Variants in ANO3 observed in about 807,000 individuals in gnomAD.
The protein encoded by ANO3 is anoctamin 3, also known as anoctamin-3.
Under a neutral mutation model 144.8 loss-of-function variants are expected in ANO3, and 99 were observed. The ratio of observed to expected loss-of-function variants is 0.68; its 90% CI spans 0.58 to 0.81. The LOEUF is 0.81. Ranked by LOEUF, ANO3 falls within the 30% of genes least tolerant of loss-of-function variation. ANO3 has a pLI of 0.00. For missense variants in ANO3, 905 were observed against 1,202.2 expected (o/e 0.75, Z 3.66); for synonymous variants, 414 against 392.6 (o/e 1.05, Z -0.64).
intron 1 of ANO3, among the ~76,000 whole-genome samples, chr11:26,366,878 G>A (rs897481331): frequency 6.6e-6 from 1 of 151,810 alleles, no homozygotes; most frequent in Non-Finnish European, 1.5e-5. Flanking sequence ...CTGGATATTA[G>A]CCCTTTGTCA....
chr11:26,194,450 G>GTGTGTA (rs769533207), intron 1 of ANO3, among the ~76,000 whole-genome samples: 10,289 of 144,376 alleles, frequency 0.071, 616 homozygotes, highest in Non-Finnish European at 0.077. Context: ...GTGTGTGTGT[G>GTGTGTA]TGTGTGTGTG....
At chr11:26,265,159 TG>T (rs1853280954) in intron 1 of ANO3, among the ~76,000 whole-genome samples, 1 of 152,228 alleles carries the variant, frequency 6.6e-6, no homozygotes, top group Admixed American at 6.5e-5. Context: ...TATTTTTTCA[TG>T]GCTAATCCCT....
intron 1 of ANO3, among the ~76,000 whole-genome samples, chr11:26,406,187 A>G (rs1376908252): frequency 6.6e-6 from 1 of 151,858 alleles, no homozygotes; most frequent in Admixed American, 6.6e-5. Flanking sequence ...AGTTTCTGTC[A>G]TATTGTATGT....
At chr11:26,510,739 A>C (rs294018) in intron 5 of ANO3, among the ~76,000 whole-genome samples, 102,573 of 152,046 alleles carry the variant, frequency 0.67, 34,835 homozygotes, top group East Asian at 0.83. Flanking sequence ...TATTCATAAC[A>C]GGTATTGCTC....
intron 14 of ANO3, among the ~76,000 whole-genome samples, chr11:26,561,635 T>C (rs1353518876): frequency 6.6e-6 from 1 of 151,988 alleles, no homozygotes; most frequent in Non-Finnish European, 1.5e-5. Context: ...AAATTAATGT[T>C]ATTATTTTAC....
intron 14 of ANO3, among the ~76,000 whole-genome samples, chr11:26,585,646 AT>A (rs1437357639): frequency 6.6e-6 from 1 of 152,024 alleles, no homozygotes; most frequent in Non-Finnish European, 1.5e-5. Context: ...GTGTTCTCAG[AT>A]TTTCATTCCC....
intron 1 of ANO3, among the ~76,000 whole-genome samples, chr11:26,354,860 C>A (rs927987086): frequency 6.6e-6 from 1 of 151,764 alleles, no homozygotes; most frequent in African/African-American, 2.4e-5. Context: ...AGATTGATTT[C>A]TCCTCAGGTA....
At chr11:26,630,193 CA>C (rs1260009125) in intron 18 of ANO3, among the ~76,000 whole-genome samples, 1 of 152,118 alleles carries the variant, frequency 6.6e-6, no homozygotes, top group Non-Finnish European at 1.5e-5. Flanking sequence ...GAATGGCCCA[CA>C]AATAAATGTG....
chr11:26,287,815 G>GT (rs1564949731), intron 1 of ANO3: 2 of 152,184 alleles, frequency 1.3e-5, no homozygotes, highest in East Asian at 1.9e-4. Flanking sequence ...CTGAAAAAAT[G>GT]TAAGTGCCAT....
intron 1 of ANO3, among the ~76,000 whole-genome samples, chr11:26,421,594 T>C (rs534772375): frequency 1.2e-4 from 19 of 152,168 alleles, no homozygotes; most frequent in African/African-American, 4.6e-4. Flanking sequence ...TAGGTAATAA[T>C]ATCAAGGTAT....
intron 1 of ANO3, among the ~76,000 whole-genome samples, chr11:26,424,589 T>C (rs1478946931): frequency 6.6e-6 from 1 of 152,064 alleles, no homozygotes; most frequent in Admixed American, 6.6e-5. Flanking sequence ...CAAAACTCCA[T>C]ATATTTTTAC....
intron 1 of ANO3, among the ~76,000 whole-genome samples, chr11:26,371,388 G>A (rs1324945976): frequency 6.6e-6 from 1 of 152,250 alleles, no homozygotes; most frequent in Non-Finnish European, 1.5e-5. Flanking sequence ...TTGCTGCAAG[G>A]ATGGAGCCTT....
At chr11:26,303,614 G>C (rs1292163438) in intron 1 of ANO3, among the ~76,000 whole-genome samples, 1 of 152,184 alleles carries the variant, frequency 6.6e-6, no homozygotes, top group African/African-American at 2.4e-5. Context: ...CTACCTAGCT[G>C]ATGGGATCAT....
intron 18 of ANO3, 56 bp from the exon 19 acceptor site, chr11:26,634,147 AG>A: frequency 2.0e-6 from 2 of 995,912 alleles, no homozygotes; most frequent in South Asian, 3.1e-5. Context: ...CTCCATGTCC[AG>A]AGTCTTGATA....
At chr11:26,457,637 C>T (rs1322256492) in intron 3 of ANO3, among the ~76,000 whole-genome samples, 3 of 152,066 alleles carry the variant, frequency 2.0e-5, no homozygotes, top group African/African-American at 4.8e-5. Flanking sequence ...AAAACTGTAA[C>T]GGACTCACTG....
intron 3 of ANO3, among the ~76,000 whole-genome samples, chr11:26,458,535 G>T (rs954067267): frequency 6.6e-6 from 1 of 152,028 alleles, no homozygotes. Context: ...ACATTCAGAA[G>T]GAAAATTATA....
rs1360416198 is a variant in ANO3, at chr11:26,476,962, C to A, written c.432+13814C>A. Among the ~76,000 whole-genome samples, 5 of 149,146 alleles carry A rather than the reference C, an allele frequency of 3.4e-5. 1 individual carries two copies. Among genetic ancestry groups the A allele is most frequent in the African/African-American group, 1.2e-4 (5 of 40,406 alleles). On this transcript the variant is annotated intron_variant, in intron 4 of 26. Coordinates refer to ENST00000256737, the MANE Select transcript of ANO3 (RefSeq NM_031418.4). ...GAGAGAGAGAGAGAGACTTTTAATA[C>A]TGCTGAGGATATAGGTGATTTTTAA...
chr11:26,659,099 CATATATAT>C (rs71047873), intron 26 of ANO3, among the ~76,000 whole-genome samples: 1 of 150,010 alleles, frequency 6.7e-6, no homozygotes. Context: ...CACACACACA[CATATATAT>C]ATACACACAT....
rs201093158 is a variant in ANO3 at position 26,553,219 on chromosome 11, G to GTTTTTTTTTTTTTTTTT, written c.1290-26_1290-25insTTTTTTTTTTTTTTTTT. 8 of 1,198,798 alleles carry GTTTTTTTTTTTTTTTTT rather than the reference G, an allele frequency of 6.7e-6. 1 individual carries two copies. The highest frequency in any genetic ancestry group is 2.1e-5 in the African/African-American group (1 of 47,100). The allele number at this position is 1,198,798 out of a possible 1,614,324, so 74.3% of individuals were successfully genotyped here. ...TAGTCACAGTTTCATGCTATGTTTT[G>GTTTTTTTTTTTTTTTTT]TTTTGTTTTTGTTTTTGTTTTTTCT... On this transcript the variant is annotated intron_variant, in intron 12 of 26. Transcript: ENST00000256737.
Sources: allele counts gnomAD v4.1 joint callset (sites outside exome capture counted in the v4.1 genomes callset), GRCh38; gene constraint gnomAD v4.1.1; transcripts MANE v1.5; gene names NCBI Gene and HGNC (gene_info 2026-07-23, HGNC 2026-07-21).